Variants in ARHGEF3 observed in about 807,000 individuals in gnomAD.
The protein encoded by ARHGEF3 is Rho guanine nucleotide exchange factor 3.
In ARHGEF3, 28 loss-of-function variants were observed where a neutral mutation model predicts 63.2. The ratio of observed to expected loss-of-function variants is 0.44; its 90% CI spans 0.33 to 0.61. ARHGEF3 has a LOEUF of 0.61. ARHGEF3 is among the 20% of genes least tolerant of loss of function. The pLI is 0.03. For synonymous variants in ARHGEF3, 266 were observed against 254.2 expected, an observed-to-expected ratio of 1.05 and a Z score of -0.44; for missense variants, 533 against 659.3, an observed-to-expected ratio of 0.81 and a Z score of 2.10.
intron 6 of ARHGEF3, among the ~76,000 whole-genome samples, chr3:56,747,701 G>C (rs901402633): frequency 2.0e-5 from 3 of 152,156 alleles, no homozygotes; most frequent in African/African-American, 7.2e-5. Flanking sequence ...GTGCATGCCT[G>C]TAATCCCAGC....
intron 3 of ARHGEF3, among the ~76,000 whole-genome samples, chr3:56,885,952 A>C (rs1057012334): frequency 4.6e-5 from 7 of 152,160 alleles, no homozygotes; most frequent in Admixed American, 4.6e-4. Context: ...TCACTTGTTC[A>C]TTTGCTCTGT....
At chr3:56,947,385 C>T (rs187706586) in intron 3 of ARHGEF3, among the ~76,000 whole-genome samples, 2 of 152,278 alleles carry the variant, frequency 1.3e-5, no homozygotes, top group African/African-American at 2.4e-5. Flanking sequence ...GGAAACCCAT[C>T]TCACCTGCAG....
chr3:56,771,508 A>C (rs1376845732), intron 2 of ARHGEF3, among the ~76,000 whole-genome samples: 1 of 152,164 alleles, frequency 6.6e-6, no homozygotes, highest in Non-Finnish European at 1.5e-5. Context: ...GCAATGACAG[A>C]GAGTAAAGGG....
chr3:56,775,689 T>C, intron 1 of ARHGEF3: 7 of 985,794 alleles, frequency 7.1e-6, no homozygotes, highest in Non-Finnish European at 8.4e-6. Context: ...GGATGCTCCC[T>C]GTCCAGTGCC....
At chr3:57,014,814 G>A (rs1247957063) in intron 2 of ARHGEF3, among the ~76,000 whole-genome samples, 1 of 151,786 alleles carries the variant, frequency 6.6e-6, no homozygotes, top group Admixed American at 6.6e-5. Context: ...CTGAGTAGCT[G>A]GGACTACAGG....
intron 2 of ARHGEF3, among the ~76,000 whole-genome samples, chr3:56,770,025 T>G (rs142894726): frequency 0.012 from 1,875 of 152,290 alleles, 37 homozygotes; most frequent in African/African-American, 0.043. Flanking sequence ...GAACCAAGAC[T>G]TAGACAAAAT....
intron 2 of ARHGEF3, among the ~76,000 whole-genome samples, chr3:57,003,884 C>T (rs1435267450): frequency 6.6e-6 from 1 of 152,212 alleles, no homozygotes; most frequent in East Asian, 1.9e-4. Context: ...GCCAAGCCTG[C>T]TGGCATCTGG....
chr3:57,003,201 T>G (rs62253461), intron 2 of ARHGEF3, among the ~76,000 whole-genome samples: 21,691 of 150,560 alleles, frequency 0.14, 2,019 homozygotes, highest in Non-Finnish European at 0.2. Context: ...GTCAAGAGAT[T>G]GAGACCATCT....
intron 2 of ARHGEF3, among the ~76,000 whole-genome samples, chr3:56,980,257 C>T (rs1434255665): frequency 1.3e-5 from 2 of 152,186 alleles, no homozygotes; most frequent in Non-Finnish European, 2.9e-5. Flanking sequence ...GCTTTTAAAG[C>T]CTAGCCCACT....
At chr3:56,823,322 G>A (rs1299255807) in intron 4 of ARHGEF3, among the ~76,000 whole-genome samples, 1 of 152,196 alleles carries the variant, frequency 6.6e-6, no homozygotes, top group East Asian at 1.9e-4. Context: ...TCCTCTCACA[G>A]GTCATTTGTT....
chr3:57,026,249 A>T (rs755082930), intron 2 of ARHGEF3, among the ~76,000 whole-genome samples: 20 of 152,126 alleles, frequency 1.3e-4, no homozygotes, highest in Non-Finnish European at 1.5e-4. Flanking sequence ...AAAAATTTTT[A>T]AATTAGCCAG....
At chr3:57,073,043 C>G (rs1423706248) in intron 1 of ARHGEF3, among the ~76,000 whole-genome samples, 1 of 152,038 alleles carries the variant, frequency 6.6e-6, no homozygotes, top group Non-Finnish European at 1.5e-5. Context: ...GAGACTCTGT[C>G]TCAAAATAAA....
At chr3:56,865,750 G>A (rs897843884) in intron 4 of ARHGEF3, among the ~76,000 whole-genome samples, 1 of 152,086 alleles carries the variant, frequency 6.6e-6, no homozygotes, top group Non-Finnish European at 1.5e-5. Flanking sequence ...GGGCTCTTGG[G>A]AAGTGTGTAG....
chr3:56,773,914 G>A (rs2036150038), intron 1 of ARHGEF3, 98 bp from the exon 2 acceptor site: 2 of 935,022 alleles, frequency 2.1e-6, no homozygotes, highest in Admixed American at 3.0e-5. Flanking sequence ...CAAGGTACTG[G>A]TTGTACACTG....
rs1317859227 is a variant in ARHGEF3, at chr3:57,002,502, A to ATATATATATATGTTATATATATATATGT, written c.62+32585_62+32586insACATATATATATATAACATATATATATA. On this transcript the variant is annotated intron_variant, in intron 2 of 12. Coordinates refer to the ARHGEF3 transcript ENST00000338458. Reference sequence around the variant, plus strand: ...TGTTATATATATATATATATGTTATATATATATATATGTTATATATGTATG... The same window carrying ATATATATATATGTTATATATATATATGT: ...TGTTATATATATATATATATGTTATATATATATATATGTTATATATATATATGTTATATATATATGTTATATATGTATG... Among the ~76,000 whole-genome samples the ATATATATATATGTTATATATATATATGT allele has an allele frequency of 3.3e-4, 27 of 81,074 alleles. 3 individuals carry two copies. The highest frequency in any genetic ancestry group is 1.1e-3 in the African/African-American group (26 of 23,388). The allele number at this position is 81,074 out of a possible 152,430, so 53.2% of individuals were successfully genotyped here. A position where few individuals can be genotyped will look rare whatever the true frequency, so the allele number is the denominator to read the frequency against.
intron 1 of ARHGEF3, among the ~76,000 whole-genome samples, chr3:57,046,749 G>C (rs1156654991): frequency 1.3e-5 from 2 of 152,154 alleles, no homozygotes; most frequent in African/African-American, 2.4e-5. Context: ...CTCACACACA[G>C]AGCTGCCCTG....
chr3:56,802,176 G>A (rs1002829682), upstream of ARHGEF3, among the ~76,000 whole-genome samples: 5 of 152,188 alleles, frequency 3.3e-5, no homozygotes, highest in Non-Finnish European at 5.9e-5. Context: ...CGTGGGCCGC[G>A]ATTGCGGGGC....
At chr3:56,909,983 G>A (rs1057161794) in intron 3 of ARHGEF3, among the ~76,000 whole-genome samples, 1 of 152,072 alleles carries the variant, frequency 6.6e-6, no homozygotes, top group Non-Finnish European at 1.5e-5. Flanking sequence ...GAATATATAC[G>A]TGAGTAGTAC....
At chr3:56,784,004 T>TA (rs1000414139) in intron 1 of ARHGEF3, among the ~76,000 whole-genome samples, 1 of 152,246 alleles carries the variant, frequency 6.6e-6, no homozygotes, top group Non-Finnish European at 1.5e-5. Flanking sequence ...ACACCCCTGT[T>TA]AAGTTCCTTT....
Sources: gnomAD v4.1 joint callset for allele counts (sites outside exome capture counted in the v4.1 genomes callset) on GRCh38, gnomAD v4.1.1 for gene constraint, MANE v1.5 for transcripts, NCBI Gene and HGNC (gene_info 2026-07-23, HGNC 2026-07-21) for gene names.